The following NUP98 variants were observed in gnomAD, a reference collection of about 807,000 sequenced individuals.
NUP98 encodes nucleoporin 98 and 96 precursor.
In NUP98, 26 loss-of-function variants were observed where a neutral mutation model predicts 191.9. That is an observed-to-expected ratio of 0.14 (90% CI 0.10 to 0.19). The LOEUF is 0.19. NUP98 is among the 10% of genes least tolerant of loss of function. The pLI, the probability that NUP98 is intolerant of heterozygous loss-of-function variation, is 1.00. For synonymous variants in NUP98, 808 were observed against 778.4 expected (o/e 1.04, Z -0.63); for missense variants, 1,941 against 2,178.8 (o/e 0.89, Z 2.17).
At chr11:3,796,920 A>G (rs1033492474) in intron 1 of NUP98, among the ~76,000 whole-genome samples, 7 of 152,216 alleles carry the variant, frequency 4.6e-5, no homozygotes, top group African/African-American at 1.7e-4. Flanking sequence ...CTATTCTCAG[A>G]TATTATCTTA....
chr11:3,678,744 A>C (rs1455090164), intron 31 of NUP98, among the ~76,000 whole-genome samples: 3 of 152,160 alleles, frequency 2.0e-5, no homozygotes, highest in Admixed American at 2.0e-4. Flanking sequence ...AAAGGACTTG[A>C]ATCCTATATT....
intron 12 of NUP98, among the ~76,000 whole-genome samples, chr11:3,736,998 A>T (rs276909): frequency 6.6e-6 from 1 of 151,930 alleles, no homozygotes; most frequent in Non-Finnish European, 1.5e-5. Flanking sequence ...GGGAACAGAC[A>T]TAAGTAACAA....
At chr11:3,725,287 T>A in intron 14 of NUP98, 68 bp from the exon 15 acceptor site, 1 of 720,714 alleles carries the variant, frequency 1.4e-6, no homozygotes, top group South Asian at 1.7e-5. Flanking sequence ...CCAGACATTA[T>A]CTTAAAAACT....
At position 3,727,983 on chromosome 11, in the gene NUP98, C is replaced by T. The variant is rs563532061; in HGVS notation, c.1731-2764G>A. Among the ~76,000 whole-genome samples, 8 of 152,072 alleles carry T rather than the reference C, an allele frequency of 5.3e-5. No individual in the cohort carries two copies. The South Asian group carries it at 1.2e-3, about 24-fold the overall frequency. ...GTGCAGTGAGCTATGACAGCGCCAC[C>T]GCACTCCAGCCTGGGTGACAGAGTA... On this transcript the variant is annotated intron_variant, in intron 14 of 32. Transcript: ENST00000324932.
intron 16 of NUP98, among the ~76,000 whole-genome samples, chr11:3,721,472 T>C (rs142861071): frequency 6.6e-6 from 1 of 151,698 alleles, no homozygotes; most frequent in Non-Finnish European, 1.5e-5. Flanking sequence ...CCGGGGTGAG[T>C]AAATCACTTG....
In NUP98 at chr11:3,776,007, T is replaced by A; in HGVS notation, c.370A>T (p.Thr124Ser). Residue 124 changes from threonine to serine, a missense_variant, in exon 5 of 33, where the codon ACT (threonine) becomes TCT (serine). Physicochemically the swap from Thr to Ser is moderately conservative, Grantham distance 58. Coordinates refer to ENST00000324932, the MANE Select transcript of NUP98 (RefSeq NM_016320.5). ...PTGFGNFGTSTSSGGLFGTTN... is the reference protein window; with the variant it reads ...PTGFGNFGTSSSSGGLFGTTN... ...GTTCCAAAGAGTCCTCCACTGCTAG[T>A]ACTGGTTCCAAAATCTAAAAATAAG... 1 of 1,603,590 alleles carries A rather than the reference T, an allele frequency of 6.2e-7. No homozygotes were observed. The highest frequency in any genetic ancestry group is 1.8e-5 in the Admixed American group (1 of 56,772).
At chr11:3,750,867 G>A (rs57148679) in intron 11 of NUP98, among the ~76,000 whole-genome samples, 27 of 152,004 alleles carry the variant, frequency 1.8e-4, no homozygotes, top group Admixed American at 5.9e-4. Context: ...AACTCCTGAC[G>A]TCAAGCAATC....
intron 26 of NUP98, among the ~76,000 whole-genome samples, chr11:3,693,768 T>C (rs1035773004): frequency 2.0e-5 from 3 of 152,212 alleles, no homozygotes; most frequent in African/African-American, 4.8e-5. Flanking sequence ...TCACTGTCTA[T>C]GGTTGTCAAT....
In NUP98 at chr11:3,753,337, G is replaced by C; in HGVS notation, c.1246C>G (p.Leu416Val). Reference sequence around the variant, plus strand: ...TTACCTGTTCCAAATCCTGCACCAAGCCCAGTTCCAAGAGTCCCAGGTGCT... The same window carrying C: ...TTACCTGTTCCAAATCCTGCACCAACCCCAGTTCCAAGAGTCCCAGGTGCT... ...KPAPGTLGTG[L>V]GAGFGTALGA... Residue 416 changes from leucine (L) to valine (V), a missense_variant, in exon 11 of 33, where the codon CTT becomes GTT. Coordinates refer to ENST00000324932, the MANE Select transcript of NUP98 (RefSeq NM_016320.5). The C allele has an allele frequency of 3.1e-6, 5 of 1,613,902 alleles. No individual in the cohort carries two copies. The highest frequency in any genetic ancestry group is 4.2e-6 in the Non-Finnish European group (5 of 1,179,900).
intron 10 of NUP98, among the ~76,000 whole-genome samples, chr11:3,758,454 G>C (rs993750304): frequency 4.6e-5 from 7 of 152,090 alleles, no homozygotes; most frequent in African/African-American, 1.7e-4. Flanking sequence ...AACGCTAACT[G>C]ACCCTTAACT....
chr11:3,686,265 G>A (rs2078129973), intron 28 of NUP98, 71 bp from the exon 29 acceptor site: 1 of 1,357,384 alleles, frequency 7.4e-7, no homozygotes, highest in Non-Finnish European at 1.0e-6. Flanking sequence ...CAACTGTTCT[G>A]CTTATGTCTA....
At chr11:3,740,776 G>C (rs933140060) in intron 12 of NUP98, among the ~76,000 whole-genome samples, 1 of 151,312 alleles carries the variant, frequency 6.6e-6, no homozygotes, top group East Asian at 1.9e-4. Context: ...CCCTACTCAC[G>C]TACAAAGAGT....
In NUP98 at chr11:3,792,049, C is replaced by T. The variant is rs558421068; in HGVS notation, c.-29+5351G>A. Reference sequence around the variant, plus strand: ...AAAAAATTAGCCGGGCATGGTGGCACGCCCCTGTATTCCCAGCTACTCGGG... The same window carrying T: ...AAAAAATTAGCCGGGCATGGTGGCATGCCCCTGTATTCCCAGCTACTCGGG... On this transcript the variant is annotated intron_variant, in intron 1 of 32. Coordinates refer to ENST00000324932, the MANE Select transcript of NUP98 (RefSeq NM_016320.5). Among the ~76,000 whole-genome samples, 366 of 150,922 alleles carry T rather than the reference C, an allele frequency of 2.4e-3. 2 individuals are homozygous for T. The highest frequency in any genetic ancestry group is 8.0e-3 in the African/African-American group (329 of 41,162).
At chr11:3,785,275 C>T (rs535461062) in intron 1 of NUP98, among the ~76,000 whole-genome samples, 10 of 152,076 alleles carry the variant, frequency 6.6e-5, no homozygotes, top group South Asian at 2.1e-4. Context: ...AATCACTTCA[C>T]GGCAATGACA....
intron 23 of NUP98, among the ~76,000 whole-genome samples, chr11:3,702,009 G>C (rs989951395): frequency 5.9e-5 from 9 of 151,830 alleles, no homozygotes; most frequent in Non-Finnish European, 1.5e-5. Context: ...ATGAAGGATA[G>C]GCTGGGCAAG....
rs138717444 is a variant in NUP98, at chr11:3,710,355, A to G, written c.2742+2209T>C. 2.6e-3 allele frequency among the ~76,000 whole-genome samples: 395 copies of G among 152,336 alleles called. 1 individual carries two copies. Among genetic ancestry groups the G allele is most frequent in the Non-Finnish European group, 3.9e-3 (268 of 68,026 alleles). On this transcript the variant is annotated intron_variant, in intron 20 of 32. Transcript: ENST00000324932. The stretch of plus-strand genomic sequence containing the variant: ...AAGGTACAGGAGAGAAGATCACATG[A>G]AAATTTAGTTACCTTTATGTTTTCT...
At chr11:3,677,701 A>G (rs758588348) in intron 31 of NUP98, among the ~76,000 whole-genome samples, 5 of 152,188 alleles carry the variant, frequency 3.3e-5, no homozygotes, top group Non-Finnish European at 5.9e-5. Flanking sequence ...AGTGCTTGGC[A>G]TACAGTGAGT....
At chr11:3,720,975 A>AGTGTGTGTGTGTGTGTGTGT (rs55984201) in intron 16 of NUP98, 150 bp from the exon 17 acceptor site, 36 of 324,494 alleles carry the variant, frequency 1.1e-4, no homozygotes, top group Middle Eastern at 9.3e-4. Flanking sequence ...GGGGTGTGTG[A>AGTGTGTGTGTGTGTGTGTGT]GTGTGTGTGT....
At position 3,746,976 on chromosome 11, in the gene NUP98, A is replaced by C. The variant is rs80294918; in HGVS notation, c.1268-2327T>G. Among the ~76,000 whole-genome samples, 608 of 152,144 alleles carry C rather than the reference A, an allele frequency of 4.0e-3. 2 individuals are homozygous for C. The highest frequency in any genetic ancestry group is 0.014 in the African/African-American group (571 of 41,500). On this transcript the variant is annotated intron_variant, in intron 11 of 32. Transcript: ENST00000324932. The stretch of plus-strand genomic sequence containing the variant: ...TCTGTAAAGGGATTATCATAAAATG[A>C]CTTGACTACTGACTATTGCAATGGA...
Sources: gnomAD v4.1 joint callset for allele counts (sites outside exome capture counted in the v4.1 genomes callset) on GRCh38, gnomAD v4.1.1 for gene constraint, MANE v1.5 for transcripts, NCBI Gene and HGNC (gene_info 2026-07-23, HGNC 2026-07-21) for gene names.